The following PLEKHM2 variants were observed in gnomAD, a reference collection of about 807,000 sequenced individuals.
The protein encoded by PLEKHM2 is pleckstrin homology and RUN domain containing M2.
In PLEKHM2, 77 loss-of-function variants were observed where a neutral mutation model predicts 116.3. The ratio of observed to expected loss-of-function variants is 0.66; its 90% CI spans 0.55 to 0.80. PLEKHM2 has a LOEUF of 0.80. Ranked by LOEUF, PLEKHM2 falls within the 30% of genes least tolerant of loss-of-function variation. The pLI is 0.00. For missense variants in PLEKHM2, 1,183 were observed against 1,354.9 expected (o/e 0.87, Z 1.99); for synonymous variants, 562 against 571.0 (o/e 0.98, Z 0.22).
intron 15 of PLEKHM2, 63 bp downstream of exon 15, chr1:15,730,785 C>T: frequency 7.4e-7 from 1 of 1,359,420 alleles, no homozygotes; most frequent in Non-Finnish European, 1.0e-6. Context: ...CTGTCAGGTC[C>T]CCAGCGGGGA....
chr1:15,713,752 C>T lies in PLEKHM2; in HGVS notation c.61-2485C>T, dbSNP rs1641384183. On this transcript the variant is annotated intron_variant, in intron 1 of 19. Coordinates refer to ENST00000375799, the MANE Select transcript of PLEKHM2 (RefSeq NM_015164.4). ...CCGGGTTCCTGCCATTCTCCTGCCT[C>T]AGCCTCCCGAATAGCTGGGACTACA... 2.0e-5 allele frequency among the ~76,000 whole-genome samples: 3 copies of T among 151,724 alleles called. No homozygotes were observed. The South Asian group carries it at 6.2e-4, about 32-fold the overall frequency.
chr1:15,710,060 T>TA (rs1276752260), intron 1 of PLEKHM2, among the ~76,000 whole-genome samples: 3 of 150,646 alleles, frequency 2.0e-5, no homozygotes, highest in South Asian at 2.1e-4. Flanking sequence ...CCATCTCCAC[T>TA]AAAAAAAATA....
At chr1:15,686,376 C>A (rs1007491486) in intron 1 of PLEKHM2, among the ~76,000 whole-genome samples, 1 of 152,166 alleles carries the variant, frequency 6.6e-6, no homozygotes, top group African/African-American at 2.4e-5. Flanking sequence ...AATTAATAAC[C>A]CTGTAACCTT....
Position 15,717,990 on chromosome 1 carries a change from C to T in PLEKHM2, c.375C>T (p.Val125=). The stretch of plus-strand genomic sequence containing the variant: ...TGGGCCTGCTGCATAAGTACTACGT[C>T]AAGTGAGTGTCTGGGACGGTCTGTC... ...ENLGLLHKYY[V]KNALVCSHDH... Residue 125 remains valine, a splice_region_variant and synonymous_variant, in exon 4 of 20, where the codon GTC becomes GTT. Transcript: ENST00000375799. The T allele has an allele frequency of 6.3e-7, 1 of 1,575,848 alleles. No homozygotes were observed.
chr1:15,698,170 G>A (rs1385234639), intron 1 of PLEKHM2, among the ~76,000 whole-genome samples: 3 of 152,030 alleles, frequency 2.0e-5, no homozygotes, highest in African/African-American at 2.4e-5. Flanking sequence ...CTAAGACATC[G>A]CTGAAGGACA....
chr1:15,688,287 T>G (rs1004914491), intron 1 of PLEKHM2, among the ~76,000 whole-genome samples: 1 of 152,240 alleles, frequency 6.6e-6, no homozygotes, highest in East Asian at 1.9e-4. Flanking sequence ...ACCTGTGTTC[T>G]GATATGGACA....
At chr1:15,733,383 C>T (rs1389691678) in intron 19 of PLEKHM2, among the ~76,000 whole-genome samples, 2 of 152,278 alleles carry the variant, frequency 1.3e-5, no homozygotes, top group South Asian at 2.1e-4. Flanking sequence ...TCCTTGCCCT[C>T]CAGGCTGAGT....
intron 1 of PLEKHM2, among the ~76,000 whole-genome samples, chr1:15,703,053 T>C (rs1384862106): frequency 6.6e-6 from 1 of 152,204 alleles, no homozygotes; most frequent in East Asian, 1.9e-4. Context: ...TATTCTGTTT[T>C]TGGATTTCCA....
At chr1:15,684,674 C>T in intron 1 of PLEKHM2, 56 bp downstream of exon 1, 1 of 743,896 alleles carries the variant, frequency 1.3e-6, no homozygotes, top group Non-Finnish European at 1.7e-6. Context: ...CCCCCACGCC[C>T]TCCGGCGGCG....
chr1:15,727,634 C>G lies in PLEKHM2; in HGVS notation c.1562C>G (p.Thr521Arg). The change falls in exon 9 of 20, where the codon ACG (threonine) becomes AGG (arginine). Residue 521 changes from threonine (T) to arginine (R), a missense_variant. Thr to Arg is a moderately conservative substitution (Grantham distance 71). This residue lies in a region of PLEKHM2 where 594 missense variants were observed against 720.1 expected (regional missense o/e 0.82). Coordinates refer to ENST00000375799, the MANE Select transcript of PLEKHM2 (RefSeq NM_015164.4). This position sits in a 1 kb window ranked among gnomAD's most constrained non-coding sequence, Gnocchi z 7.5. ...GQTPRPLEDT[T>R]REAQELEAQL... ...ACGCCTCGGCCCCTAGAGGATACCA[C>G]GAGGGAGGCTCAGGAGCTGGAGGCC... 1 of 1,591,764 alleles carries G rather than the reference C, an allele frequency of 6.3e-7. No homozygotes were observed. The highest frequency in any genetic ancestry group is 8.5e-7 in the Non-Finnish European group (1 of 1,169,818).
chr1:15,710,088 A>C (rs1641301250), intron 1 of PLEKHM2, among the ~76,000 whole-genome samples: 1 of 151,532 alleles, frequency 6.6e-6, no homozygotes, highest in South Asian at 2.1e-4. Flanking sequence ...TTAGCTGGGC[A>C]TGGTGGCGGG....
At chr1:15,733,549 G>T (rs1419325775) in intron 19 of PLEKHM2, among the ~76,000 whole-genome samples, 1 of 152,378 alleles carries the variant, frequency 6.6e-6, no homozygotes. Flanking sequence ...CGCCTGCCTC[G>T]CTGGGCCATC....
chr1:15,714,584 C>T (rs1641403926), intron 1 of PLEKHM2, among the ~76,000 whole-genome samples: 1 of 152,190 alleles, frequency 6.6e-6, no homozygotes. Context: ...GCCTGCCAGG[C>T]TTGTTCCGGG....
chr1:15,712,976 T>G (rs1641366402), intron 1 of PLEKHM2, among the ~76,000 whole-genome samples: 1 of 152,172 alleles, frequency 6.6e-6, no homozygotes, highest in African/African-American at 2.4e-5. Flanking sequence ...AATTTTTGTA[T>G]TTTTAGTAGA....
rs570262813 is a variant in PLEKHM2 at position 15,692,839 on chromosome 1, A to G, written c.60+8221A>G. Among the ~76,000 whole-genome samples the G allele has an allele frequency of 1.1e-3, 170 of 152,104 alleles. 1 individual carries two copies. The highest frequency in any genetic ancestry group is 1.8e-3 in the Non-Finnish European group (121 of 67,996). Reference sequence around the variant, plus strand: ...ACTGCAACCTCCTTCTCCCTGGTTCAAGTGATTCTCCTGCCTCAGCCTCCC... The same window carrying G: ...ACTGCAACCTCCTTCTCCCTGGTTCGAGTGATTCTCCTGCCTCAGCCTCCC... On this transcript the variant is annotated intron_variant, in intron 1 of 19. Transcript: ENST00000375799.
At chr1:15,702,425 T>C (rs1052783112) in intron 1 of PLEKHM2, among the ~76,000 whole-genome samples, 12 of 151,982 alleles carry the variant, frequency 7.9e-5, no homozygotes, top group Non-Finnish European at 1.5e-4. Context: ...GTTTTTTTTT[T>C]CTTTTTTTGA....
chr1:15,719,470 T>TAG lies in PLEKHM2; in HGVS notation c.466-250_466-249dup, dbSNP rs367634718. 2.7e-5 allele frequency among the ~76,000 whole-genome samples: 4 copies of TAG among 150,418 alleles called. No individual in the cohort carries two copies. Among genetic ancestry groups the TAG allele is most frequent in the Admixed American group, 6.6e-5 (1 of 15,088 alleles). On this transcript the variant is annotated intron_variant, in intron 5 of 19. Coordinates refer to ENST00000375799, the MANE Select transcript of PLEKHM2 (RefSeq NM_015164.4). The surrounding 1 kb of genome is among the most constrained non-coding windows in gnomAD (Gnocchi z 4.1). ...TGTCTCAAAAAAAAAAATAAATAAA[T>TAG]AGAGAGAGAGAGAGATAGCGGGGGC...
At chr1:15,688,211 G>A (rs183319224) in intron 1 of PLEKHM2, among the ~76,000 whole-genome samples, 125 of 152,296 alleles carry the variant, frequency 8.2e-4, no homozygotes, top group Non-Finnish European at 1.5e-3. Context: ...TAGATTTTGT[G>A]ATGGTGAATA....
chr1:15,710,404 T>C (rs965343561), intron 1 of PLEKHM2, among the ~76,000 whole-genome samples: 4 of 151,528 alleles, frequency 2.6e-5, no homozygotes, highest in African/African-American at 7.3e-5. Flanking sequence ...CTCGGCTCAC[T>C]GCAACCTCCA....
Sources: allele counts gnomAD v4.1 joint callset (sites outside exome capture counted in the v4.1 genomes callset), GRCh38; gene constraint gnomAD v4.1.1; regional missense constraint gnomAD v4.1.1; non-coding constraint Gnocchi (gnomAD v3.1); transcripts MANE v1.5; gene names NCBI Gene and HGNC (gene_info 2026-07-23, HGNC 2026-07-21).